Variants in NOP9 observed in about 807,000 individuals in gnomAD.
NOP9 encodes nucleolar protein 9.
Under a neutral mutation model 63.0 loss-of-function variants are expected in NOP9, and 50 were observed. The ratio of observed to expected loss-of-function variants is 0.79; its 90% CI spans 0.63 to 1.00. The LOEUF (loss-of-function observed/expected upper bound fraction) is 1.00. Ranked by LOEUF, NOP9 falls within the 50% of genes least tolerant of loss-of-function variation. The pLI is 0.00. For missense variants in NOP9, 758 were observed against 803.0 expected, an observed-to-expected ratio of 0.94 and a Z score of 0.68; for synonymous variants, 343 against 332.8, an observed-to-expected ratio of 1.03 and a Z score of -0.33.
chr14:24,304,988 C>G lies in NOP9; in HGVS notation c.1804C>G (p.Arg602Gly). ...IRDPFGHHVA[R>G]NVALTTFLKR... ...AGACCCTTTCGGCCACCATGTGGCT[C>G]GAAATGTGGCCTTGACTACCTTCCT... The change falls in exon 10 of 10, where the codon CGA becomes GGA. Residue 602 changes from arginine to glycine, a missense_variant. Transcript: ENST00000267425. The G allele has an allele frequency of 2.5e-6, 4 of 1,597,872 alleles. No individual in the cohort carries two copies. Among genetic ancestry groups the G allele is most frequent in the Non-Finnish European group, 3.4e-6 (4 of 1,173,022 alleles).
chr14:24,292,003 G>T, the NOP9 span: 2 of 779,624 alleles, frequency 2.6e-6, no homozygotes, highest in Admixed American at 5.6e-5. Context: ...TTTCAGTTTT[G>T]CCATCTGTAG....
intron 2 of NOP9, among the ~76,000 whole-genome samples, 184 bp downstream of exon 2, chr14:24,301,041 G>C (rs1184820776): frequency 6.6e-6 from 1 of 152,178 alleles, no homozygotes; most frequent in Non-Finnish European, 1.5e-5. Flanking sequence ...CCCAGAGGTA[G>C]GGATGTACAG....
At chr14:24,274,655 C>T in the NOP9 span, among the ~76,000 whole-genome samples, 50 of 150,756 alleles carry the variant, frequency 3.3e-4, no homozygotes, top group African/African-American at 1.0e-3. Context: ...CTGTCACCCA[C>T]GCTGGAGTAG....
chr14:24,283,617 A>G, the NOP9 span, among the ~76,000 whole-genome samples: 2 of 152,172 alleles, frequency 1.3e-5, no homozygotes, highest in East Asian at 1.9e-4. Context: ...AAATAAATAA[A>G]TAAAGGACAG....
At position 24,300,873 on chromosome 14, in the gene NOP9, G is replaced by A; in HGVS notation, c.697+16G>A. 1 of 1,591,038 alleles carries A rather than the reference G, an allele frequency of 6.3e-7. No homozygotes were observed. Among genetic ancestry groups the A allele is most frequent in the African/African-American group, 1.3e-5 (1 of 74,288 alleles). On this transcript the variant is annotated intron_variant, in intron 2 of 9. Coordinates refer to ENST00000267425, the MANE Select transcript of NOP9 (RefSeq NM_174913.3). The stretch of plus-strand genomic sequence containing the variant: ...CAATCATCTGGTAAGTATTACAAGA[G>A]GAAAGTGGACCTAGGGGGAAGAAGA...
chr14:24,303,920 A>G, intron 7 of NOP9, 63 bp downstream of exon 7: 3 of 1,602,498 alleles, frequency 1.9e-6, no homozygotes, highest in East Asian at 2.2e-5. Flanking sequence ...GGGTTTAGCA[A>G]GCGTCTGACT....
At chr14:24,299,219 G>T, upstream of NOP9, 1 of 1,271,574 alleles carries the variant, frequency 7.9e-7, no homozygotes, top group Non-Finnish European at 1.1e-6. Context: ...ACCTCACTAG[G>T]GCTAAGAGGA....
upstream of NOP9, chr14:24,298,911 T>C (rs1466439906): frequency 2.6e-6 from 4 of 1,562,432 alleles, no homozygotes; most frequent in East Asian, 9.1e-5. Context: ...GTGGAAGGGC[T>C]CTCTCGGGTG....
chr14:24,285,985 A>G, the NOP9 span, among the ~76,000 whole-genome samples: 2 of 1,312 alleles, frequency 1.5e-3, no homozygotes, highest in Admixed American at 6.0e-3. Flanking sequence ...TAAACTGTCA[A>G]AAAAAAAAAA....
upstream of NOP9, chr14:24,299,696 T>C: frequency 2.2e-6 from 1 of 452,356 alleles, no homozygotes; most frequent in Non-Finnish European, 3.9e-6. Flanking sequence ...GATTCTGTAG[T>C]AGGACCCGGG....
intron 3 of NOP9, 77 bp downstream of exon 3, chr14:24,301,799 T>A: frequency 6.5e-7 from 1 of 1,533,688 alleles, no homozygotes; most frequent in Non-Finnish European, 9.0e-7. Context: ...GGCCCTTACC[T>A]CAGGTTATTC....
At chr14:24,297,513 G>A (rs974000168), upstream of NOP9, among the ~76,000 whole-genome samples, 1 of 152,112 alleles carries the variant, frequency 6.6e-6, no homozygotes, top group Non-Finnish European at 1.5e-5. Context: ...TACCCTCCTT[G>A]CCTGAACTAC....
chr14:24,298,996 A>G, upstream of NOP9: 1 of 1,613,438 alleles, frequency 6.2e-7, no homozygotes, highest in East Asian at 2.2e-5. Context: ...GATGGCGGCC[A>G]GTGATGTAAA....
rs1264928416 is a variant in NOP9 at position 24,301,993 on chromosome 14, C to T, written c.837C>T (p.Phe279=). 1.9e-6 allele frequency: 3 copies of T among 1,614,092 alleles called. No homozygotes were observed. Among genetic ancestry groups the T allele is most frequent in the South Asian group, 2.2e-5 (2 of 91,084 alleles). Residue 279 remains phenylalanine, a synonymous_variant, in exon 4 of 10, where the codon TTC becomes TTT. Transcript: ENST00000267425. Reference sequence around the variant, plus strand: ...TTATCACTGATAAGATCTCCAGCTTCTGTCTTCAAGTGGCTTTACAGGTTT... The same window carrying T: ...TTATCACTGATAAGATCTCCAGCTTTTGTCTTCAAGTGGCTTTACAGGTTT... The part of the protein sequence containing the change: ...AVFITDKISS[F]CLQVALQVLH...
At chr14:24,298,531 C>T (rs1478757908), upstream of NOP9, among the ~76,000 whole-genome samples, 1 of 152,192 alleles carries the variant, frequency 6.6e-6, no homozygotes, top group Non-Finnish European at 1.5e-5. Context: ...CACAGGTCCA[C>T]AACCCTTTAG....
chr14:24,292,643 G>C, the NOP9 span: 1 of 1,614,168 alleles, frequency 6.2e-7, no homozygotes, highest in Non-Finnish European at 8.5e-7. Context: ...TATGCCACTG[G>C]GTCCTCACCG....
At chr14:24,297,376 T>C (rs1414719703), upstream of NOP9, among the ~76,000 whole-genome samples, 1 of 152,198 alleles carries the variant, frequency 6.6e-6, no homozygotes, top group Non-Finnish European at 1.5e-5. Context: ...CCATGAATGA[T>C]TTCTACTTCC....
chr14:24,281,058 A>G, the NOP9 span, among the ~76,000 whole-genome samples: 11 of 152,184 alleles, frequency 7.2e-5, no homozygotes, highest in Non-Finnish European at 1.0e-4. Flanking sequence ...TGTGGGCCCA[A>G]TCATGACTCA....
chr14:24,296,571 C>A (rs1371481720), upstream of NOP9: 4 of 1,613,912 alleles, frequency 2.5e-6, no homozygotes, highest in Non-Finnish European at 3.4e-6. Flanking sequence ...ATGCCTTATT[C>A]CTGGTGTTCA....
Sources: allele counts gnomAD v4.1 joint callset (sites outside exome capture counted in the v4.1 genomes callset), GRCh38; gene constraint gnomAD v4.1.1; transcripts MANE v1.5; gene names NCBI Gene and HGNC (gene_info 2026-07-23, HGNC 2026-07-21).